The following NLGN1 variants were observed in gnomAD, a reference collection of about 807,000 sequenced individuals.
The protein encoded by NLGN1 is neuroligin-1.
In NLGN1, 12 loss-of-function variants were observed where a neutral mutation model predicts 65.5. The ratio of observed to expected loss-of-function variants is 0.18; its 90% confidence interval spans 0.12 to 0.30. NLGN1 has a LOEUF of 0.30. Ranked by LOEUF, NLGN1 falls within the 10% of genes least tolerant of loss-of-function variation. The pLI, the probability that NLGN1 is intolerant of heterozygous loss-of-function variation, is 1.00. For synonymous variants in NLGN1, 350 were observed against 359.5 expected, an observed-to-expected ratio of 0.97 and a Z score of 0.30; for missense variants, 750 against 1,007.1, an observed-to-expected ratio of 0.74 and a Z score of 3.46.
At chr3:174,043,814 G>C (rs1002604287) in intron 4 of NLGN1, among the ~76,000 whole-genome samples, 5 of 152,222 alleles carry the variant, frequency 3.3e-5, no homozygotes, top group African/African-American at 1.2e-4. Context: ...GCAGTAGGCA[G>C]TGTCCCCAGT....
intron 4 of NLGN1, among the ~76,000 whole-genome samples, chr3:174,213,500 G>C (rs1737068552): frequency 6.6e-6 from 1 of 152,110 alleles, no homozygotes; most frequent in Non-Finnish European, 1.5e-5. Flanking sequence ...TAAGCAATAA[G>C]TAATAACAAT....
At chr3:173,472,060 C>G (rs1725402945) in intron 2 of NLGN1, among the ~76,000 whole-genome samples, 1 of 152,044 alleles carries the variant, frequency 6.6e-6, no homozygotes, top group South Asian at 2.1e-4. Flanking sequence ...GTAGAGGTAT[C>G]ATAGCATTTA....
chr3:173,464,435 A>AT (rs10649807), intron 2 of NLGN1, among the ~76,000 whole-genome samples: 38,073 of 138,426 alleles, frequency 0.28, 7,489 homozygotes, highest in African/African-American at 0.56. Context: ...ATCAGTTACA[A>AT]TTTTTTTTTT....
chr3:174,254,306 A>ATTTTTTTTTTTTTT (rs371427726), intron 4 of NLGN1, among the ~76,000 whole-genome samples: 4 of 113,752 alleles, frequency 3.5e-5, no homozygotes, highest in Non-Finnish European at 5.2e-5. Context: ...GTCCTTTTTA[A>ATTTTTTTTTTTTTT]TTTTTTTTTT....
intron 4 of NLGN1, among the ~76,000 whole-genome samples, chr3:174,094,621 A>T (rs1383215440): frequency 1.3e-5 from 2 of 152,000 alleles, no homozygotes; most frequent in African/African-American, 4.8e-5. Flanking sequence ...TGAGGGTATA[A>T]ACAATAGTAT....
chr3:173,664,757 A>C (rs576757541), intron 3 of NLGN1, among the ~76,000 whole-genome samples: 1 of 152,260 alleles, frequency 6.6e-6, no homozygotes, highest in Admixed American at 6.6e-5. Flanking sequence ...GTCGCAGAGA[A>C]GTTAAGATCA....
intron 4 of NLGN1, among the ~76,000 whole-genome samples, chr3:173,989,258 G>C (rs976264257): frequency 1.1e-4 from 16 of 152,132 alleles, no homozygotes; most frequent in African/African-American, 3.4e-4. Context: ...TCGCATGCTT[G>C]TACTCAGAAC....
chr3:173,718,780 T>C (rs566828766), intron 3 of NLGN1, among the ~76,000 whole-genome samples: 1 of 152,330 alleles, frequency 6.6e-6, no homozygotes, highest in Non-Finnish European at 1.5e-5. Flanking sequence ...AGTGGTAACA[T>C]GTAATAACTT....
At chr3:173,910,286 T>G (rs532465544) in intron 4 of NLGN1, among the ~76,000 whole-genome samples, 1 of 152,204 alleles carries the variant, frequency 6.6e-6, no homozygotes. Flanking sequence ...CTTTTGATGC[T>G]GCTGCTTGTG....
At chr3:173,623,652 A>G (rs1754375101) in intron 3 of NLGN1, among the ~76,000 whole-genome samples, 1 of 152,060 alleles carries the variant, frequency 6.6e-6, no homozygotes, top group Non-Finnish European at 1.5e-5. Context: ...ATTGATTGGG[A>G]CATATTGTGA....
chr3:173,972,798 A>G (rs1364041729), intron 4 of NLGN1, among the ~76,000 whole-genome samples: 1 of 152,092 alleles, frequency 6.6e-6, no homozygotes, highest in Non-Finnish European at 1.5e-5. Flanking sequence ...TGTGGTCCCC[A>G]GGCTAGTAGC....
At chr3:174,044,657 G>T (rs1278148168) in intron 4 of NLGN1, among the ~76,000 whole-genome samples, 1 of 152,048 alleles carries the variant, frequency 6.6e-6, no homozygotes, top group Non-Finnish European at 1.5e-5. Context: ...CATTCAACAA[G>T]TCTCTAGGAA....
chr3:174,059,130 C>T (rs1048570604), intron 4 of NLGN1, among the ~76,000 whole-genome samples: 1 of 152,112 alleles, frequency 6.6e-6, no homozygotes, highest in Non-Finnish European at 1.5e-5. Flanking sequence ...TCCATCTGTG[C>T]TCACTACCAA....
intron 3 of NLGN1, among the ~76,000 whole-genome samples, chr3:173,805,636 T>G (rs1440765556): frequency 1.3e-5 from 2 of 152,224 alleles, no homozygotes; most frequent in Admixed American, 6.5e-5. Context: ...TCACAGTTGG[T>G]GCTTTGTAAT....
At chr3:173,939,140 T>C (rs1197477780) in intron 4 of NLGN1, among the ~76,000 whole-genome samples, 1 of 152,210 alleles carries the variant, frequency 6.6e-6, no homozygotes, top group Non-Finnish European at 1.5e-5. Context: ...AATCAATTAA[T>C]GTACGTAGTT....
At chr3:173,776,008 A>G (rs1347122821) in intron 3 of NLGN1, among the ~76,000 whole-genome samples, 1 of 152,070 alleles carries the variant, frequency 6.6e-6, no homozygotes, top group East Asian at 1.9e-4. Flanking sequence ...CACACTTTCT[A>G]CTATCAACAT....
At chr3:173,525,013 T>C (rs1735390491) in intron 2 of NLGN1, among the ~76,000 whole-genome samples, 1 of 152,214 alleles carries the variant, frequency 6.6e-6, no homozygotes, top group South Asian at 2.1e-4. Flanking sequence ...ATCAGGGATA[T>C]TGTCCTACAG....
At chr3:173,796,081 A>G (rs1462922148) in intron 3 of NLGN1, among the ~76,000 whole-genome samples, 1 of 152,122 alleles carries the variant, frequency 6.6e-6, no homozygotes, top group Non-Finnish European at 1.5e-5. Flanking sequence ...GGAGCTAATA[A>G]TACCCTCAAC....
intron 3 of NLGN1, among the ~76,000 whole-genome samples, chr3:173,732,313 G>A (rs894265687): frequency 1.3e-5 from 2 of 152,110 alleles, no homozygotes; most frequent in African/African-American, 4.8e-5. Context: ...GAATTTCCCT[G>A]GAATTGAAGC....
Sources: allele counts gnomAD v4.1 joint callset (sites outside exome capture counted in the v4.1 genomes callset), GRCh38; gene constraint gnomAD v4.1.1; transcripts MANE v1.5; gene names NCBI Gene and HGNC (gene_info 2026-07-23, HGNC 2026-07-21).